PARP8: variants seen among roughly 807,000 people sequenced by gnomAD.
PARP8 encodes the protein protein mono-ADP-ribosyltransferase PARP8.
Under a neutral mutation model 124.1 loss-of-function variants are expected in PARP8, and 51 were observed. That is an observed-to-expected ratio of 0.41 (90% confidence interval 0.33 to 0.52). The LOEUF (loss-of-function observed/expected upper bound fraction) is 0.52, where lower values mean the gene tolerates loss of function less well. Ranked by LOEUF, PARP8 falls within the 20% of genes least tolerant of loss-of-function variation. The probability of loss-of-function intolerance (pLI) is 0.21; values close to 1 mark genes in which losing one functional copy is unlikely to be tolerated. For synonymous variants in PARP8, 391 were observed against 361.5 expected, an observed-to-expected ratio of 1.08 and a Z score of -0.93; for missense variants, 860 against 1,018.9, an observed-to-expected ratio of 0.84 and a Z score of 2.12.
intron 2 of PARP8, among the ~76,000 whole-genome samples, chr5:50,687,738 TC>T (rs1186343935): frequency 6.6e-6 from 1 of 151,924 alleles, no homozygotes; most frequent in Non-Finnish European, 1.5e-5. Flanking sequence ...GCAGGAAAAC[TC>T]CCCCGTATAA....
intron 24 of PARP8, among the ~76,000 whole-genome samples, chr5:50,834,342 ACCTTCCT>A (rs1747330753): frequency 6.6e-6 from 1 of 152,146 alleles, no homozygotes; most frequent in African/African-American, 2.4e-5. Context: ...TTAATGTGCT[ACCTTCCT>A]CTTAAAGTTG....
chr5:50,780,244 G>A (rs1337613914), intron 9 of PARP8, among the ~76,000 whole-genome samples: 6 of 152,282 alleles, frequency 3.9e-5, no homozygotes, highest in Non-Finnish European at 8.8e-5. Context: ...AGTTGTATGT[G>A]TTCTTGCTCC....
chr5:50,805,661 A>C (rs1242474144), intron 14 of PARP8, among the ~76,000 whole-genome samples: 6 of 152,232 alleles, frequency 3.9e-5, no homozygotes, highest in Admixed American at 3.9e-4. Flanking sequence ...GGAAAGCAAT[A>C]ATTTTATTAG....
At chr5:50,696,151 C>CAT (rs1051219631) in intron 2 of PARP8, among the ~76,000 whole-genome samples, 4 of 152,152 alleles carry the variant, frequency 2.6e-5, no homozygotes, top group Non-Finnish European at 5.9e-5. Context: ...TAAGGCGAGT[C>CAT]AAACTATACC....
chr5:50,697,402 C>T (rs1237835725), intron 2 of PARP8, among the ~76,000 whole-genome samples: 1 of 152,322 alleles, frequency 6.6e-6, no homozygotes, highest in East Asian at 1.9e-4. Context: ...AAATCCTGTG[C>T]AGCAGGATTT....
chr5:50,755,864 T>C (rs182883549), intron 3 of PARP8, among the ~76,000 whole-genome samples: 301 of 152,294 alleles, frequency 2.0e-3, no homozygotes, highest in African/African-American at 6.8e-3. Flanking sequence ...TGTTCAGCAG[T>C]GGTTTGTAGT....
At chr5:50,739,728 ATATATTT>A (rs1190675683) in intron 2 of PARP8, among the ~76,000 whole-genome samples, 2 of 59,318 alleles carry the variant, frequency 3.4e-5, no homozygotes, top group African/African-American at 9.8e-5. Context: ...ATATATATAT[ATATATTT>A]TTTTTTTTTT....
At chr5:50,762,933 G>A (rs745485692) in intron 6 of PARP8, among the ~76,000 whole-genome samples, 1 of 152,072 alleles carries the variant, frequency 6.6e-6, no homozygotes, top group Non-Finnish European at 1.5e-5. Flanking sequence ...TTTTACATTT[G>A]CTTTTTCTTT....
chr5:50,715,873 A>G (rs1389383447), intron 2 of PARP8, among the ~76,000 whole-genome samples: 1 of 152,042 alleles, frequency 6.6e-6, no homozygotes, highest in Non-Finnish European at 1.5e-5. Flanking sequence ...AAAAAATACT[A>G]CCTTCTTCAT....
chr5:50,766,465 T>A (rs552493960), intron 7 of PARP8, among the ~76,000 whole-genome samples: 1 of 152,344 alleles, frequency 6.6e-6, no homozygotes, highest in South Asian at 2.1e-4. Flanking sequence ...GAATTACAGA[T>A]CAGAAAATTC....
intron 14 of PARP8, among the ~76,000 whole-genome samples, chr5:50,811,972 T>C (rs994425733): frequency 2.0e-5 from 3 of 152,232 alleles, no homozygotes; most frequent in Admixed American, 2.0e-4. Context: ...TCACGTTTTC[T>C]TAATCCAGTC....
chr5:50,667,509 G>A, intron 1 of PARP8: 1 of 697,490 alleles, frequency 1.4e-6, no homozygotes, highest in Non-Finnish European at 2.6e-6. Flanking sequence ...CACGCTTCCT[G>A]GGTTCCAGCA....
At chr5:50,789,733 C>G (rs751244081) in intron 10 of PARP8, among the ~76,000 whole-genome samples, 17 of 152,052 alleles carry the variant, frequency 1.1e-4, no homozygotes, top group Admixed American at 2.0e-4. Context: ...ATTATTCTTC[C>G]AAATCTGCAA....
chr5:50,756,142 C>T (rs1405706479), intron 3 of PARP8, among the ~76,000 whole-genome samples: 1 of 152,154 alleles, frequency 6.6e-6, no homozygotes, highest in Non-Finnish European at 1.5e-5. Flanking sequence ...GACAATTTGA[C>T]TTCCTCTTTT....
At position 50,834,934 on chromosome 5, in the gene PARP8, T is replaced by A; in HGVS notation, c.2381T>A (p.Ile794Asn). The A allele has an allele frequency of 3.1e-6, 5 of 1,612,558 alleles. No individual in the cohort carries two copies. The highest frequency in any genetic ancestry group is 4.2e-6 in the Non-Finnish European group (5 of 1,178,842). Reference sequence around the variant, plus strand: ...AATTTTATTTTCCACTTAACAGTGATCACCTCATCTGACCTGCACAAACAT... The same window carrying A: ...AATTTTATTTTCCACTTAACAGTGAACACCTCATCTGACCTGCACAAACAT... ...NLKCIALCEV[I>N]TSSDLHKHGE... The change falls in exon 25 of 26, where the codon ATC becomes AAC. Residue 794 changes from isoleucine (I) to asparagine (N), a missense_variant. Physicochemically the swap from Ile to Asn is moderately radical, Grantham distance 149. Transcript: ENST00000281631.
At chr5:50,826,946 A>C (rs1317998765) in intron 19 of PARP8, 143 bp downstream of exon 19, 7 of 1,234,198 alleles carry the variant, frequency 5.7e-6, no homozygotes, top group Non-Finnish European at 7.6e-6. Context: ...TTAGTTTGAA[A>C]TAGCCATTGC....
chr5:50,826,333 GA>G (rs11366549), intron 18 of PARP8, among the ~76,000 whole-genome samples: 10,054 of 151,558 alleles, frequency 0.066, 363 homozygotes, highest in Middle Eastern at 0.099. Flanking sequence ...AATATTTAAA[GA>G]AAAAAAATCT....
chr5:50,738,715 TAAA>T (rs71612375), intron 2 of PARP8, among the ~76,000 whole-genome samples: 22 of 135,480 alleles, frequency 1.6e-4, no homozygotes, highest in Non-Finnish European at 2.4e-4. Context: ...GCTGATAAGT[TAAA>T]AAAAAAAAAA....
intron 6 of PARP8, among the ~76,000 whole-genome samples, chr5:50,762,620 A>G (rs987068166): frequency 8.5e-5 from 13 of 152,170 alleles, no homozygotes; most frequent in African/African-American, 2.7e-4. Context: ...ATGCAAGTAA[A>G]TTTATTTATT....
Sources: gnomAD v4.1 joint callset for allele counts (sites outside exome capture counted in the v4.1 genomes callset) on GRCh38, gnomAD v4.1.1 for gene constraint, MANE v1.5 for transcripts, NCBI Gene and HGNC (gene_info 2026-07-23, HGNC 2026-07-21) for gene names.